Variants in TAFA1 observed in about 807,000 individuals in gnomAD.
TAFA1 encodes chemokine-like protein TAFA-1.
A neutral mutation model predicts 18.5 loss-of-function variants in TAFA1; 4 were observed. The ratio of observed to expected loss-of-function variants is 0.22; its 90% confidence interval spans 0.11 to 0.49. TAFA1 has a LOEUF of 0.49. Ranked by LOEUF, TAFA1 falls within the 20% of genes least tolerant of loss-of-function variation. The pLI is 0.98. For synonymous variants in TAFA1, 56 were observed against 55.2 expected, an observed-to-expected ratio of 1.01 and a Z score of -0.06; for missense variants, 147 against 169.0, an observed-to-expected ratio of 0.87 and a Z score of 0.72.
intron 2 of TAFA1, among the ~76,000 whole-genome samples, chr3:68,040,997 A>G (rs1559713635): frequency 6.6e-6 from 1 of 152,198 alleles, no homozygotes; most frequent in Non-Finnish European, 1.5e-5. Context: ...ACTCTAAGAT[A>G]CGTAACATTG....
intron 2 of TAFA1, among the ~76,000 whole-genome samples, chr3:68,046,747 G>A (rs576672063): frequency 6.6e-6 from 1 of 152,006 alleles, no homozygotes; most frequent in African/African-American, 2.4e-5. Flanking sequence ...TAACTTCTTT[G>A]GCTAGACAGT....
chr3:68,065,058 AG>A (rs1037758189), intron 2 of TAFA1, among the ~76,000 whole-genome samples: 16 of 152,224 alleles, frequency 1.1e-4, no homozygotes, highest in East Asian at 1.9e-4. Context: ...AAGCTTTGTA[AG>A]TGGTTTAATT....
intron 2 of TAFA1, among the ~76,000 whole-genome samples, chr3:68,166,014 C>A (rs1206826239): frequency 1.3e-5 from 2 of 152,168 alleles, no homozygotes; most frequent in African/African-American, 4.8e-5. Flanking sequence ...CTTGAACGGT[C>A]TATAGGAAAT....
chr3:68,371,983 C>T (rs2069715233), intron 2 of TAFA1, among the ~76,000 whole-genome samples: 1 of 152,146 alleles, frequency 6.6e-6, no homozygotes, highest in South Asian at 2.1e-4. Flanking sequence ...TCTACTGTGA[C>T]TAATTTAACA....
At chr3:68,293,050 A>AT (rs1420619230) in intron 2 of TAFA1, among the ~76,000 whole-genome samples, 1 of 151,936 alleles carries the variant, frequency 6.6e-6, no homozygotes, top group Non-Finnish European at 1.5e-5. Context: ...CTTTAAAAAA[A>AT]AAATGCCTTA....
At chr3:68,426,111 T>C (rs1459522914) in intron 3 of TAFA1, among the ~76,000 whole-genome samples, 1 of 151,902 alleles carries the variant, frequency 6.6e-6, no homozygotes, top group Non-Finnish European at 1.5e-5. Context: ...ATATATAATC[T>C]GTTGTGAATA....
chr3:68,231,486 A>G (rs4855545), intron 2 of TAFA1, among the ~76,000 whole-genome samples: 97,727 of 148,460 alleles, frequency 0.66, 32,459 homozygotes, highest in Middle Eastern at 0.81. Flanking sequence ...TCAGCCTCCC[A>G]AGTAGCTGGG....
At chr3:68,201,627 A>G (rs528980450) in intron 2 of TAFA1, among the ~76,000 whole-genome samples, 1 of 151,860 alleles carries the variant, frequency 6.6e-6, no homozygotes, top group African/African-American at 2.4e-5. Context: ...TCATTGTGCA[A>G]TGTCTCTCTT....
intron 2 of TAFA1, among the ~76,000 whole-genome samples, chr3:68,257,537 T>C (rs1024014466): frequency 6.6e-6 from 1 of 152,094 alleles, no homozygotes; most frequent in Non-Finnish European, 1.5e-5. Flanking sequence ...AAACGAACAC[T>C]TAGTATGTGA....
intron 2 of TAFA1, among the ~76,000 whole-genome samples, chr3:68,124,350 G>C (rs1193420728): frequency 1.3e-5 from 2 of 152,122 alleles, no homozygotes; most frequent in African/African-American, 4.8e-5. Flanking sequence ...GGCTAATATG[G>C]GAGTTATCAG....
At chr3:68,143,401 C>T (rs931779550) in intron 2 of TAFA1, among the ~76,000 whole-genome samples, 1 of 152,152 alleles carries the variant, frequency 6.6e-6, no homozygotes. Flanking sequence ...CCCTTGTATT[C>T]TTAAACATCA....
intron 4 of TAFA1, among the ~76,000 whole-genome samples, chr3:68,542,109 T>C (rs1471195500): frequency 2.0e-5 from 3 of 152,108 alleles, no homozygotes; most frequent in African/African-American, 7.2e-5. Context: ...GGCAAAGCCT[T>C]TTCTTTCAGG....
chr3:68,421,543 C>CTGATAGAATGACATTTT (rs1575852181), intron 3 of TAFA1, among the ~76,000 whole-genome samples: 1 of 152,032 alleles, frequency 6.6e-6, no homozygotes, highest in Non-Finnish European at 1.5e-5. Context: ...GTACCTATTA[C>CTGATAGAATGACATTTT]TGATAGAATG....
At chr3:68,058,373 T>C (rs1206406031) in intron 2 of TAFA1, among the ~76,000 whole-genome samples, 1 of 152,220 alleles carries the variant, frequency 6.6e-6, no homozygotes, top group African/African-American at 2.4e-5. Flanking sequence ...TGACTATTAT[T>C]GCAACATAAC....
chr3:68,197,458 G>A (rs1421083701), intron 2 of TAFA1, among the ~76,000 whole-genome samples: 1 of 151,586 alleles, frequency 6.6e-6, no homozygotes, highest in African/African-American at 2.4e-5. Flanking sequence ...CTCCTATGGG[G>A]TTCGGGAAAT....
At chr3:68,230,956 A>G (rs2066863483) in intron 2 of TAFA1, among the ~76,000 whole-genome samples, 1 of 152,198 alleles carries the variant, frequency 6.6e-6, no homozygotes, top group South Asian at 2.1e-4. Flanking sequence ...CCATTTTTCA[A>G]ACAGATAAAT....
chr3:68,250,416 TAGG>T (rs2067170503), intron 2 of TAFA1, among the ~76,000 whole-genome samples: 5 of 152,292 alleles, frequency 3.3e-5, no homozygotes, highest in African/African-American at 9.6e-5. Context: ...TGCTTAATAT[TAGG>T]AGTTTAGAAA....
At chr3:68,486,013 G>A (rs1460101301) in intron 3 of TAFA1, among the ~76,000 whole-genome samples, 4 of 151,956 alleles carry the variant, frequency 2.6e-5, no homozygotes, top group African/African-American at 7.3e-5. Flanking sequence ...CTGCAGCTTC[G>A]ACCTCCTGGG....
intron 2 of TAFA1, among the ~76,000 whole-genome samples, chr3:68,076,824 G>C (rs1362677077): frequency 3.9e-5 from 6 of 152,254 alleles, no homozygotes; most frequent in Admixed American, 3.3e-4. Context: ...TATATACCCA[G>C]TAATGGGATG....
Sources: allele counts gnomAD v4.1 joint callset (sites outside exome capture counted in the v4.1 genomes callset), GRCh38; gene constraint gnomAD v4.1.1; transcripts MANE v1.5; gene names NCBI Gene and HGNC (gene_info 2026-07-23, HGNC 2026-07-21).